The following NEIL3 variants were observed in gnomAD, a reference collection of about 807,000 sequenced individuals.
The protein encoded by NEIL3 is endonuclease 8-like 3.
NEIL3 carries 48 observed loss-of-function variants against 57.5 expected under a neutral mutation model. The ratio of observed to expected loss-of-function variants is 0.83; its 90% CI spans 0.66 to 1.06. The LOEUF is 1.06. Ranked by LOEUF, NEIL3 falls within the 50% of genes least tolerant of loss-of-function variation. The pLI is 0.00. For missense variants in NEIL3, 717 were observed against 739.1 expected (o/e 0.97, Z 0.35); for synonymous variants, 261 against 253.2 (o/e 1.03, Z -0.29).
chr4:177,318,505 T>TC (rs35498745), intron 1 of NEIL3, among the ~76,000 whole-genome samples: 12 of 152,148 alleles, frequency 7.9e-5, no homozygotes, highest in African/African-American at 2.9e-4. Flanking sequence ...GTAGAAAACT[T>TC]CCCCAGGAAA....
the NEIL3 span, among the ~76,000 whole-genome samples, chr4:177,371,089 A>T: frequency 6.6e-6 from 1 of 152,226 alleles, no homozygotes; most frequent in Admixed American, 6.5e-5. Context: ...ATAAATTTTT[A>T]AAACTACATA....
At chr4:177,332,460 C>T (rs1043129714) in intron 2 of NEIL3, among the ~76,000 whole-genome samples, 1 of 152,074 alleles carries the variant, frequency 6.6e-6, no homozygotes, top group Non-Finnish European at 1.5e-5. Context: ...GAGGAAGTTT[C>T]CTGTTCCTCC....
Position 177,347,850 on chromosome 4 carries a change from A to G in NEIL3, c.870-3530A>G, listed in dbSNP as rs1735255490. Among the ~76,000 whole-genome samples, 6 of 152,340 alleles carry G rather than the reference A, an allele frequency of 3.9e-5. No individual in the cohort carries two copies. In the South Asian group the frequency reaches 1.2e-3, roughly 32 times the overall value. ...AATCACAACAAATTATATTTTTTAA[A>G]CACCACAAACATCAGAAAAATGAGA... On this transcript the variant is annotated intron_variant, in intron 6 of 9. Transcript: ENST00000264596.
intron 8 of NEIL3, among the ~76,000 whole-genome samples, chr4:177,357,223 CAG>C (rs1195053233): frequency 6.6e-6 from 1 of 152,166 alleles, no homozygotes; most frequent in Non-Finnish European, 1.5e-5. Context: ...AAAATTCAGA[CAG>C]TATTTTTATT....
Position 177,341,782 on chromosome 4 carries a change from A to G in NEIL3, c.869+140A>G, listed in dbSNP as rs546984656. The G allele has an allele frequency of 1.1e-4, 78 of 727,334 alleles. No homozygotes were observed. The South Asian group carries it at 1.5e-3, about 14-fold the overall frequency. The allele number at this position is 727,334 out of a possible 1,614,324, so 45.1% of individuals were successfully genotyped here. On this transcript the variant is annotated intron_variant, in intron 6 of 9. Transcript: ENST00000264596. ...AAAGTATTTTAGTCCTTGAAAGGAA[A>G]TAGTAAATAATGTCACCAAAGAACC...
At chr4:177,319,664 A>G (rs1734639138) in intron 1 of NEIL3, among the ~76,000 whole-genome samples, 1 of 152,090 alleles carries the variant, frequency 6.6e-6, no homozygotes, top group South Asian at 2.1e-4. Flanking sequence ...CCTTTACATC[A>G]GATGTAACTT....
chr4:177,345,046 GA>G (rs1483685374), intron 6 of NEIL3, among the ~76,000 whole-genome samples: 15 of 152,124 alleles, frequency 9.9e-5, no homozygotes, highest in Admixed American at 1.3e-4. Flanking sequence ...AGACAAAATA[GA>G]ACACAGCCTC....
At chr4:177,369,405 G>A in the NEIL3 span, among the ~76,000 whole-genome samples, 5 of 152,130 alleles carry the variant, frequency 3.3e-5, no homozygotes, top group South Asian at 2.1e-4. Context: ...AGATAAATGC[G>A]TAAAAGAAGA....
chr4:177,347,570 G>T (rs889614520), intron 6 of NEIL3, among the ~76,000 whole-genome samples: 5 of 152,168 alleles, frequency 3.3e-5, no homozygotes, highest in African/African-American at 1.2e-4. Flanking sequence ...GGGCTGCTGT[G>T]TGGAATAGAG....
chr4:177,318,437 G>A (rs1734614032), intron 1 of NEIL3, among the ~76,000 whole-genome samples: 1 of 152,110 alleles, frequency 6.6e-6, no homozygotes. Context: ...AACTCAATGG[G>A]GCAGTGCTGC....
intron 2 of NEIL3, among the ~76,000 whole-genome samples, 189 bp from the exon 3 acceptor site, chr4:177,335,499 C>G (rs1054068203): frequency 6.6e-6 from 1 of 151,972 alleles, no homozygotes; most frequent in Non-Finnish European, 1.5e-5. Flanking sequence ...TGTCTTCTAT[C>G]TTTATAAGGA....
chr4:177,336,261 A>C lies in NEIL3; in HGVS notation c.567A>C (p.Gly189=), dbSNP rs765485707. The C allele has an allele frequency of 6.2e-7, 1 of 1,614,220 alleles. No individual in the cohort carries two copies. Among genetic ancestry groups the C allele is most frequent in the South Asian group, 1.1e-5 (1 of 91,086 alleles). The change falls in exon 4 of 10, where the codon GGA becomes GGC. Residue 189 remains glycine, a synonymous_variant. Coordinates refer to ENST00000264596, the MANE Select transcript of NEIL3 (RefSeq NM_018248.3). ...TAATGGATCAGAACGTATTGCCTGG[A>C]GTAGGGAACATCATCAAAAATGAAG... ...DVLMDQNVLP[G]VGNIIKNEAL... is the part of the protein sequence containing the mutation.
intron 6 of NEIL3, 106 bp downstream of exon 6, chr4:177,341,748 C>A: frequency 2.0e-6 from 2 of 978,916 alleles, no homozygotes; most frequent in Non-Finnish European, 1.4e-6. Context: ...CAGAAGAGAA[C>A]GTGACTCAAA....
chr4:177,337,744 A>T (rs760646970), intron 4 of NEIL3, among the ~76,000 whole-genome samples: 1 of 152,126 alleles, frequency 6.6e-6, no homozygotes, highest in African/African-American at 2.4e-5. Flanking sequence ...CATGCCTGTA[A>T]TCCCAGCACT....
At chr4:177,359,546 ATTAT>A (rs1251254518) in intron 8 of NEIL3, among the ~76,000 whole-genome samples, 2 of 152,174 alleles carry the variant, frequency 1.3e-5, no homozygotes, top group East Asian at 3.8e-4. Flanking sequence ...TTTTTTAACA[ATTAT>A]TTAAGAATGA....
At chr4:177,367,151 C>T (rs945919108), downstream of NEIL3, among the ~76,000 whole-genome samples, 1 of 152,134 alleles carries the variant, frequency 6.6e-6, no homozygotes, top group African/African-American at 2.4e-5. Flanking sequence ...GTATTGCCCT[C>T]AGTTGAGCAT....
intron 2 of NEIL3, among the ~76,000 whole-genome samples, chr4:177,329,638 C>T (rs1317531950): frequency 1.3e-5 from 2 of 152,160 alleles, no homozygotes; most frequent in Non-Finnish European, 2.9e-5. Context: ...ATTCAACACT[C>T]TCTTGTCAGT....
chr4:177,310,145 G>A (rs1232744926), intron 1 of NEIL3, 36 bp downstream of exon 1: 2 of 1,504,432 alleles, frequency 1.3e-6, no homozygotes, highest in African/African-American at 1.4e-5. Flanking sequence ...GCAGTCAGCA[G>A]GGGGGAAATG....
intron 1 of NEIL3, among the ~76,000 whole-genome samples, chr4:177,310,692 C>T (rs950952480): frequency 2.6e-5 from 4 of 152,214 alleles, no homozygotes; most frequent in African/African-American, 9.6e-5. Flanking sequence ...TTAAAGTAAA[C>T]TAGCACAGCT....
Sources: allele counts gnomAD v4.1 joint callset (sites outside exome capture counted in the v4.1 genomes callset), GRCh38; gene constraint gnomAD v4.1.1; transcripts MANE v1.5; gene names NCBI Gene and HGNC (gene_info 2026-07-23, HGNC 2026-07-21).